Variants in NBAS observed in about 807,000 individuals in gnomAD.
NBAS encodes the protein NAG/BC035112 fusion.
NBAS carries 219 observed loss-of-function variants against 302.5 expected under a neutral mutation model. The ratio of observed to expected loss-of-function variants is 0.72; its 90% CI spans 0.65 to 0.81. The LOEUF (loss-of-function observed/expected upper bound fraction) is 0.81. Ranked by LOEUF, NBAS falls within the 30% of genes least tolerant of loss-of-function variation. The probability of loss-of-function intolerance (pLI) is 0.00; values close to 1 mark genes in which losing one functional copy is unlikely to be tolerated. For missense variants in NBAS, 2,932 were observed against 2,841.6 expected, an observed-to-expected ratio of 1.03 and a Z score of -0.72; for synonymous variants, 1,118 against 1,021.6, an observed-to-expected ratio of 1.09 and a Z score of -1.80.
the NBAS span, among the ~76,000 whole-genome samples, chr2:14,901,701 A>G: frequency 2.6e-5 from 4 of 152,230 alleles, no homozygotes; most frequent in Admixed American, 1.3e-4. Flanking sequence ...AAATCTAGTA[A>G]GGAAATATTC....
At chr2:14,986,426 A>T in the NBAS span, among the ~76,000 whole-genome samples, 12 of 152,122 alleles carry the variant, frequency 7.9e-5, no homozygotes, top group African/African-American at 2.9e-4. Context: ...CTTCTCCCCT[A>T]AGAATATAAA....
intron 25 of NBAS, among the ~76,000 whole-genome samples, chr2:15,405,183 G>T (rs527602866): frequency 6.6e-6 from 1 of 152,148 alleles, no homozygotes; most frequent in African/African-American, 2.4e-5. Flanking sequence ...TTTCCCAGAT[G>T]TCTACAGTCC....
chr2:15,311,785 A>G (rs1049271539), intron 38 of NBAS, among the ~76,000 whole-genome samples: 7 of 152,104 alleles, frequency 4.6e-5, no homozygotes, highest in African/African-American at 1.4e-4. Flanking sequence ...GAGGATTCAG[A>G]GTCACAGTAA....
the NBAS span, among the ~76,000 whole-genome samples, chr2:14,783,324 A>T: frequency 2.0e-5 from 3 of 151,524 alleles, no homozygotes; most frequent in African/African-American, 7.3e-5. Context: ...TTTTTTTATT[A>T]TTATTATTAT....
intron 11 of NBAS, among the ~76,000 whole-genome samples, chr2:15,493,954 T>G (rs987189105): frequency 6.6e-6 from 1 of 151,564 alleles, no homozygotes; most frequent in Non-Finnish European, 1.5e-5. Context: ...GCCTCCCACG[T>G]AGCTGGGATT....
intron 9 of NBAS, among the ~76,000 whole-genome samples, chr2:15,523,946 CTG>C (rs1177583323): frequency 2.6e-5 from 4 of 152,048 alleles, no homozygotes; most frequent in Non-Finnish European, 5.9e-5. Flanking sequence ...AACAAACAAA[CTG>C]TATTTCTATC....
chr2:15,473,177 A>G (rs1202276649), intron 16 of NBAS, 45 bp downstream of exon 16: 2 of 1,599,166 alleles, frequency 1.3e-6, no homozygotes, highest in African/African-American at 2.7e-5. Flanking sequence ...AAAAGATATT[A>G]CATGAATATA....
chr2:14,795,746 G>A, the NBAS span, among the ~76,000 whole-genome samples: 11 of 152,202 alleles, frequency 7.2e-5, no homozygotes, highest in Middle Eastern at 3.4e-3. Flanking sequence ...TCTGTGCACC[G>A]CAAGGTATTT....
chr2:15,374,688 GGGGGT>G lies in NBAS; in HGVS notation c.3618_3622del (p.Arg1206SerfsTer17). Reference sequence around the variant, plus strand: ...AAGATCTAGCTCCTCTTGAATGGCAGGGGGTCTGTCTGTTATCAGTTGTAAGCAGC... The same window carrying G: ...AAGATCTAGCTCCTCTTGAATGGCAGCTGTCTGTTATCAGTTGTAAGCAGC... On this transcript the variant is annotated frameshift_variant, in exon 31 of 52. Coordinates refer to ENST00000281513, the MANE Select transcript of NBAS (RefSeq NM_015909.4). LOFTEE classifies it high-confidence loss of function. 1 of 1,613,888 alleles carries G rather than the reference GGGGGT, an allele frequency of 6.2e-7. No individual in the cohort carries two copies. Among genetic ancestry groups the G allele is most frequent in the East Asian group, 2.2e-5 (1 of 44,854 alleles).
the NBAS span, among the ~76,000 whole-genome samples, chr2:15,151,813 G>T: frequency 6.6e-6 from 1 of 152,058 alleles, no homozygotes; most frequent in African/African-American, 2.4e-5. Context: ...CATCACAATA[G>T]TCTCCTTGGT....
the NBAS span, among the ~76,000 whole-genome samples, chr2:15,068,360 T>G: frequency 1.3e-5 from 2 of 152,052 alleles, no homozygotes; most frequent in African/African-American, 4.8e-5. Flanking sequence ...GCATCCAACG[T>G]AGGAAGGAGG....
rs1242766584 is a variant in NBAS, at chr2:15,554,102, G to T, written c.246C>A (p.Arg82=). 1 of 1,613,914 alleles carries T rather than the reference G, an allele frequency of 6.2e-7. No individual in the cohort carries two copies. The highest frequency in any genetic ancestry group is 1.3e-5 in the African/African-American group (1 of 75,000). ...APFLLPDGLV[R]LVNKQINWHL... ...GCCAGTTTATCTGTTTATTAACCAA[G>T]CGAACCAGTCCATCAGGGAGCAAAA... Residue 82 remains arginine, a synonymous_variant, in exon 4 of 52, where the codon CGC becomes CGA. Coordinates refer to ENST00000281513, the MANE Select transcript of NBAS (RefSeq NM_015909.4).
intron 32 of NBAS, among the ~76,000 whole-genome samples, chr2:15,360,345 A>C (rs1237593034): frequency 2.4e-5 from 3 of 127,052 alleles, no homozygotes; most frequent in Non-Finnish European, 5.5e-5. Flanking sequence ...AAAAAAAAAA[A>C]ACAAAACAAA....
chr2:14,844,921 A>G, the NBAS span, among the ~76,000 whole-genome samples: 3 of 152,166 alleles, frequency 2.0e-5, no homozygotes, highest in East Asian at 5.8e-4. Context: ...AAGGTTTTTT[A>G]TTTCTGTCCC....
the NBAS span, among the ~76,000 whole-genome samples, chr2:15,054,701 C>T: frequency 2.6e-5 from 4 of 152,182 alleles, no homozygotes; most frequent in Admixed American, 2.6e-4. Flanking sequence ...AAAGAACCTC[C>T]AGATCGGGCC....
intron 26 of NBAS, 115 bp from the exon 27 acceptor site, chr2:15,396,590 A>G (rs1675878334): frequency 1.6e-6 from 1 of 641,460 alleles, no homozygotes; most frequent in Non-Finnish European, 2.7e-6. Context: ...GTAATGTATA[A>G]CAATATTATC....
chr2:15,485,560 T>C (rs1680588735), intron 12 of NBAS, among the ~76,000 whole-genome samples: 1 of 152,258 alleles, frequency 6.6e-6, no homozygotes, highest in Admixed American at 6.5e-5. Context: ...TATTGCTTAC[T>C]TGTTGCACAA....
the NBAS span, among the ~76,000 whole-genome samples, chr2:15,137,843 A>G: frequency 6.6e-6 from 1 of 152,190 alleles, no homozygotes; most frequent in African/African-American, 2.4e-5. Flanking sequence ...TGGAGCGATC[A>G]TAGCTCACTG....
At chr2:15,039,986 G>A in the NBAS span, among the ~76,000 whole-genome samples, 4 of 152,222 alleles carry the variant, frequency 2.6e-5, no homozygotes, top group African/African-American at 9.6e-5. Flanking sequence ...CTTCAAGACG[G>A]TGATCCATCT....
Sources: gnomAD v4.1 joint callset for allele counts (sites outside exome capture counted in the v4.1 genomes callset) on GRCh38, gnomAD v4.1.1 for gene constraint, MANE v1.5 for transcripts, NCBI Gene and HGNC (gene_info 2026-07-23, HGNC 2026-07-21) for gene names.